The following MARCHF1 variants were observed in gnomAD, a reference collection of about 807,000 sequenced individuals.
MARCHF1 encodes the protein membrane associated ring-CH-type finger 1.
In MARCHF1, 40 loss-of-function variants were observed where a neutral mutation model predicts 54.2. That is an observed-to-expected ratio of 0.74 (90% CI 0.57 to 0.96). The LOEUF is 0.96. Ranked by LOEUF, MARCHF1 falls within the 40% of genes least tolerant of loss-of-function variation. The pLI is 0.00. For missense variants in MARCHF1, 586 were observed against 656.5 expected, an observed-to-expected ratio of 0.89 and a Z score of 1.17; for synonymous variants, 236 against 236.3, an observed-to-expected ratio of 1.00 and a Z score of 0.01.
At chr4:163,532,982 C>T (rs1738404444) in intron 9 of MARCHF1, among the ~76,000 whole-genome samples, 1 of 151,884 alleles carries the variant, frequency 6.6e-6, no homozygotes. Context: ...GTAACCACAG[C>T]TTTTCAAATG....
chr4:163,679,269 G>A (rs1313997459), intron 5 of MARCHF1, among the ~76,000 whole-genome samples: 2 of 152,172 alleles, frequency 1.3e-5, no homozygotes, highest in Non-Finnish European at 2.9e-5. Flanking sequence ...CTACCAGATA[G>A]GAAGACACCT....
chr4:164,093,881 CTT>C (rs1262882572), intron 2 of MARCHF1, among the ~76,000 whole-genome samples: 1 of 152,048 alleles, frequency 6.6e-6, no homozygotes, highest in Admixed American at 6.6e-5. Flanking sequence ...CTTTTCTTCT[CTT>C]TGCCCCTTAT....
In MARCHF1 at chr4:164,068,506, C is replaced by T. The variant is rs907179409; in HGVS notation, c.-248+43082G>A. The stretch of plus-strand genomic sequence containing the variant: ...ACAATTCGGAGCGGCCGGCCAGCCC[C>T]GCCGGCCCCGAGCAGTGAGGGGCTT... On this transcript the variant is annotated intron_variant, in intron 2 of 9. Coordinates refer to ENST00000514618, the MANE Select transcript of MARCHF1 (RefSeq NM_001394959.1). Among the ~76,000 whole-genome samples, 79 of 152,152 alleles carry T rather than the reference C, an allele frequency of 5.2e-4. 1 individual carries two copies. The highest frequency in any genetic ancestry group is 4.1e-3 in the Admixed American group (63 of 15,276).
intron 4 of MARCHF1, among the ~76,000 whole-genome samples, chr4:163,788,558 A>T (rs564465954): frequency 6.6e-6 from 1 of 152,054 alleles, no homozygotes; most frequent in South Asian, 2.1e-4. Context: ...AGTTCTAGCC[A>T]GGGATTTTAT....
intron 7 of MARCHF1, among the ~76,000 whole-genome samples, chr4:163,599,155 G>A (rs1230649462): frequency 6.6e-6 from 1 of 152,094 alleles, no homozygotes; most frequent in South Asian, 2.1e-4. Flanking sequence ...TGGGCGTGGT[G>A]GCGGGCGCCT....
chr4:163,556,608 T>C (rs979906459), intron 8 of MARCHF1, among the ~76,000 whole-genome samples: 2 of 151,812 alleles, frequency 1.3e-5, no homozygotes, highest in African/African-American at 2.4e-5. Context: ...AAATAAATCA[T>C]ATATATACGA....
chr4:163,612,196 G>A lies in MARCHF1; in HGVS notation c.1010+75C>T, dbSNP rs1741363984. On this transcript the variant is annotated intron_variant, in intron 7 of 9. Coordinates refer to ENST00000514618, the MANE Select transcript of MARCHF1 (RefSeq NM_001394959.1). Reference sequence around the variant, plus strand: ...TAAATGTTAAGTTTTGAGGGTAGGTGTCAAACACGCACCTAACTCACTGCA... The same window carrying A: ...TAAATGTTAAGTTTTGAGGGTAGGTATCAAACACGCACCTAACTCACTGCA... The A allele has an allele frequency of 9.4e-6, 12 of 1,271,372 alleles. No individual in the cohort carries two copies. The East Asian group carries it at 2.1e-4, about 23-fold the overall frequency. 78.8% of individuals were successfully genotyped at this position (1,271,372 alleles called of 1,614,324 possible).
At chr4:164,193,467 T>C (rs2111056415) in intron 1 of MARCHF1, among the ~76,000 whole-genome samples, 1 of 152,236 alleles carries the variant, frequency 6.6e-6, no homozygotes, top group East Asian at 1.9e-4. Context: ...ACTTTTGGTT[T>C]TGTCTATTGG....
chr4:164,136,776 G>A (rs1216481312), intron 1 of MARCHF1, among the ~76,000 whole-genome samples: 1 of 150,932 alleles, frequency 6.6e-6, no homozygotes, highest in Non-Finnish European at 1.5e-5. Context: ...CAGAGCATGA[G>A]CAGTCCACCA....
chr4:164,038,898 A>AC (rs1754067526), intron 2 of MARCHF1, among the ~76,000 whole-genome samples: 1 of 152,122 alleles, frequency 6.6e-6, no homozygotes, highest in Non-Finnish European at 1.5e-5. Flanking sequence ...TTTAAGTGGA[A>AC]CCCCCTCAAT....
chr4:164,145,718 C>A (rs975266013), intron 1 of MARCHF1, among the ~76,000 whole-genome samples: 2 of 149,944 alleles, frequency 1.3e-5, no homozygotes, highest in African/African-American at 4.9e-5. Context: ...CAATATCATA[C>A]TGAATGGGCA....
At chr4:163,626,303 T>C (rs1352491036) in intron 5 of MARCHF1, among the ~76,000 whole-genome samples, 1 of 152,246 alleles carries the variant, frequency 6.6e-6, no homozygotes, top group Non-Finnish European at 1.5e-5. Context: ...CAATGTTAAC[T>C]ATTGCCAATT....
At chr4:164,289,842 A>C (rs890077571) in intron 1 of MARCHF1, among the ~76,000 whole-genome samples, 1 of 152,006 alleles carries the variant, frequency 6.6e-6, no homozygotes, top group Non-Finnish European at 1.5e-5. Context: ...CAAAATATTC[A>C]GCTCTTTATG....
intron 2 of MARCHF1, among the ~76,000 whole-genome samples, chr4:164,040,626 A>C (rs11732646): frequency 2.6e-5 from 4 of 151,508 alleles, no homozygotes; most frequent in South Asian, 4.1e-4. Flanking sequence ...GGCATGCAGG[A>C]TAAATATATT....
At chr4:163,993,314 T>G (rs1753003629) in intron 2 of MARCHF1, among the ~76,000 whole-genome samples, 1 of 152,144 alleles carries the variant, frequency 6.6e-6, no homozygotes, top group African/African-American at 2.4e-5. Flanking sequence ...ATTATTGGAA[T>G]CCAATTGTGA....
At chr4:163,896,161 G>T (rs892000890) in intron 3 of MARCHF1, among the ~76,000 whole-genome samples, 1 of 151,952 alleles carries the variant, frequency 6.6e-6, no homozygotes, top group Non-Finnish European at 1.5e-5. Flanking sequence ...TGCCAAAAAA[G>T]AATAAAAATA....
chr4:163,576,722 T>C (rs1319903552), intron 8 of MARCHF1, among the ~76,000 whole-genome samples: 1 of 152,050 alleles, frequency 6.6e-6, no homozygotes, highest in Non-Finnish European at 1.5e-5. Flanking sequence ...TGAATCTGGG[T>C]GCTTCAATGT....
intron 2 of MARCHF1, among the ~76,000 whole-genome samples, chr4:164,079,540 T>G (rs1006669785): frequency 6.6e-5 from 10 of 152,156 alleles, no homozygotes; most frequent in African/African-American, 9.6e-5. Context: ...CGTATACAAT[T>G]GATACCTAAA....
rs193295710 is a variant in MARCHF1, at chr4:164,129,233, G to A, written c.-322-17571C>T. ...AATAATGATTAAGAAGGAGGAAGAA[G>A]GAATTTTCATCACCTCAAATGCGAT... On this transcript the variant is annotated intron_variant, in intron 1 of 9. Coordinates refer to ENST00000514618, the MANE Select transcript of MARCHF1 (RefSeq NM_001394959.1). Among the ~76,000 whole-genome samples, 465 of 152,216 alleles carry A rather than the reference G, an allele frequency of 3.1e-3. 4 individuals carry two copies. The highest frequency in any genetic ancestry group is 3.5e-3 in the Non-Finnish European group (238 of 67,994).
Sources: gnomAD v4.1 joint callset for allele counts (sites outside exome capture counted in the v4.1 genomes callset) on GRCh38, gnomAD v4.1.1 for gene constraint, MANE v1.5 for transcripts, NCBI Gene and HGNC (gene_info 2026-07-23, HGNC 2026-07-21) for gene names.